TNNI3K: variants seen among roughly 807,000 people sequenced by gnomAD.
TNNI3K encodes the protein serine/threonine-protein kinase TNNI3K.
A neutral mutation model predicts 114.5 loss-of-function variants in TNNI3K; 140 were observed. That is an observed-to-expected ratio of 1.22 (90% CI 1.07 to 1.41). The LOEUF is 1.41. Among genes scored for constraint, TNNI3K ranks in the 40% most tolerant of loss-of-function variants. The probability of loss-of-function intolerance (pLI) is 0.00; values close to 1 mark genes in which losing one functional copy is unlikely to be tolerated. For synonymous variants in TNNI3K, 347 were observed against 347.5 expected, an observed-to-expected ratio of 1.00 and a Z score of 0.02; for missense variants, 1,125 against 1,007.6, an observed-to-expected ratio of 1.12 and a Z score of -1.58.
At chr1:74,359,193 G>A (rs1661821143) in intron 11 of TNNI3K, among the ~76,000 whole-genome samples, 2 of 151,882 alleles carry the variant, frequency 1.3e-5, no homozygotes, top group African/African-American at 2.4e-5. Context: ...ACCTCTTTCA[G>A]CATTTACCCT....
intron 20 of TNNI3K, among the ~76,000 whole-genome samples, chr1:74,443,091 C>T (rs929576565): frequency 2.6e-5 from 4 of 151,882 alleles, no homozygotes; most frequent in African/African-American, 9.7e-5. Flanking sequence ...CTAACAATTA[C>T]AACAAAAACA....
At chr1:74,394,771 G>A (rs934462590) in intron 17 of TNNI3K, among the ~76,000 whole-genome samples, 28 of 152,184 alleles carry the variant, frequency 1.8e-4, no homozygotes, top group Admixed American at 4.6e-4. Flanking sequence ...TAGGCCGGGC[G>A]CAGTGGCTCA....
intron 6 of TNNI3K, among the ~76,000 whole-genome samples, chr1:74,333,170 T>C (rs1282805945): frequency 6.6e-6 from 1 of 152,194 alleles, no homozygotes; most frequent in Non-Finnish European, 1.5e-5. Context: ...TCAAACTTAC[T>C]TGTGTCCCTG....
At chr1:74,277,411 A>C (rs181068666) in intron 5 of TNNI3K, among the ~76,000 whole-genome samples, 147 of 152,292 alleles carry the variant, frequency 9.7e-4, no homozygotes, top group African/African-American at 3.4e-3. Context: ...GACACAAAAA[A>C]AGTATTTGGA....
At chr1:74,275,466 C>G (rs45438094) in intron 5 of TNNI3K, among the ~76,000 whole-genome samples, 4 of 151,972 alleles carry the variant, frequency 2.6e-5, no homozygotes, top group Non-Finnish European at 5.9e-5. Flanking sequence ...GAGTACAATT[C>G]AAGATGATAT....
chr1:74,500,715 C>T (rs1382087521), intron 23 of TNNI3K, among the ~76,000 whole-genome samples: 1 of 140,400 alleles, frequency 7.1e-6, no homozygotes, highest in Non-Finnish European at 1.5e-5. Flanking sequence ...TATCTTCCCT[C>T]TTTTTTAAGA....
chr1:74,492,952 T>C (rs1004388200), intron 23 of TNNI3K, among the ~76,000 whole-genome samples: 1 of 152,228 alleles, frequency 6.6e-6, no homozygotes, highest in Non-Finnish European at 1.5e-5. Flanking sequence ...CACCTTTTTT[T>C]CTCTGTCCTT....
intron 11 of TNNI3K, among the ~76,000 whole-genome samples, chr1:74,358,808 C>T (rs1171148373): frequency 6.6e-6 from 1 of 150,562 alleles, no homozygotes; most frequent in Admixed American, 6.7e-5. Flanking sequence ...AATGGAAAAA[C>T]CTTCATCATT....
intron 23 of TNNI3K, among the ~76,000 whole-genome samples, chr1:74,521,080 A>G (rs1306801124): frequency 1.3e-5 from 2 of 152,136 alleles, no homozygotes; most frequent in Non-Finnish European, 2.9e-5. Flanking sequence ...CCTTTGGGCA[A>G]CAGCTTCAAC....
chr1:74,497,898 C>G (rs912630542), intron 23 of TNNI3K, among the ~76,000 whole-genome samples: 5 of 152,160 alleles, frequency 3.3e-5, no homozygotes, highest in Admixed American at 2.6e-4. Context: ...TTTCATCATA[C>G]GTTCCAGTGG....
chr1:74,273,067 A>G (rs950851981), intron 5 of TNNI3K, among the ~76,000 whole-genome samples: 3 of 151,972 alleles, frequency 2.0e-5, no homozygotes, highest in African/African-American at 7.2e-5. Context: ...ATATACGCAC[A>G]CAAACTGTGA....
At chr1:74,501,820 T>C (rs1669648507) in intron 23 of TNNI3K, among the ~76,000 whole-genome samples, 1 of 152,104 alleles carries the variant, frequency 6.6e-6, no homozygotes, top group African/African-American at 2.4e-5. Context: ...CGTGTAGTAA[T>C]AATTCTGCTT....
intron 5 of TNNI3K, among the ~76,000 whole-genome samples, chr1:74,292,681 T>TG (rs904839426): frequency 3.3e-5 from 5 of 151,736 alleles, no homozygotes; most frequent in African/African-American, 1.2e-4. Flanking sequence ...TGCAGTTGTT[T>TG]GCTACACAGC....
chr1:74,312,369 A>G (rs1659041960), intron 5 of TNNI3K, among the ~76,000 whole-genome samples: 1 of 152,202 alleles, frequency 6.6e-6, no homozygotes, highest in Non-Finnish European at 1.5e-5. Context: ...GTTTGGGTCC[A>G]GGGCAATGCT....
intron 20 of TNNI3K, among the ~76,000 whole-genome samples, chr1:74,447,145 T>C (rs1666735184): frequency 6.6e-6 from 1 of 151,530 alleles, no homozygotes; most frequent in African/African-American, 2.4e-5. Context: ...ATGGCCATTT[T>C]CACGATATTG....
intron 23 of TNNI3K, among the ~76,000 whole-genome samples, chr1:74,517,169 A>G (rs927707692): frequency 6.6e-6 from 1 of 152,186 alleles, no homozygotes; most frequent in African/African-American, 2.4e-5. Context: ...TCTATATGCA[A>G]CATATCTTGT....
Position 74,370,470 on chromosome 1 carries a change from T to G in TNNI3K, c.1772+78T>G, listed in dbSNP as rs6698326. 73,137 of 1,295,182 alleles carry G rather than the reference T, an allele frequency of 0.056. 2,274 individuals carry two copies. The highest frequency in any genetic ancestry group is 0.092 in the African/African-American group (6,186 of 67,236). 80.2% of individuals were successfully genotyped at this position (1,295,182 alleles called of 1,614,324 possible). ...AAGACAGATTTCAGTGAAGATACAT[T>G]TTAGACTTATTGCAGATCAGGGTAC... On this transcript the variant is annotated intron_variant, in intron 17 of 24. Coordinates refer to ENST00000326637, the MANE Select transcript of TNNI3K (RefSeq NM_015978.3).
intron 19 of TNNI3K, among the ~76,000 whole-genome samples, chr1:74,437,854 T>TAAG (rs1666205758): frequency 6.6e-6 from 1 of 151,856 alleles, no homozygotes; most frequent in Non-Finnish European, 1.5e-5. Context: ...TTTATTGGCC[T>TAAG]AAGACTGATC....
chr1:74,329,877 C>T (rs1023063572), intron 5 of TNNI3K, among the ~76,000 whole-genome samples: 4 of 152,070 alleles, frequency 2.6e-5, no homozygotes, highest in South Asian at 4.2e-4. Context: ...ATGACTTAAG[C>T]GGCAATTTGT....
Sources: allele counts gnomAD v4.1 joint callset (sites outside exome capture counted in the v4.1 genomes callset), GRCh38; gene constraint gnomAD v4.1.1; transcripts MANE v1.5; gene names NCBI Gene and HGNC (gene_info 2026-07-23, HGNC 2026-07-21).